The following LSAMP variants were observed in gnomAD, a reference collection of about 807,000 sequenced individuals.
LSAMP encodes the protein limbic system-associated membrane protein.
LSAMP carries 7 observed loss-of-function variants against 38.6 expected under a neutral mutation model. The observed-to-expected ratio is 0.18, with a 90% CI of 0.10 to 0.34. The LOEUF is 0.34. Among genes scored for constraint, LSAMP ranks in the 10% least tolerant of loss-of-function variants. The pLI is 1.00. For synonymous variants in LSAMP, 154 were observed against 166.8 expected (o/e 0.92, Z 0.59); for missense variants, 313 against 420.0 (o/e 0.75, Z 2.23).
intron 6 of LSAMP, among the ~76,000 whole-genome samples, chr3:115,818,705 A>C (rs1280448352): frequency 6.9e-6 from 1 of 145,966 alleles, no homozygotes; most frequent in East Asian, 2.0e-4. Context: ...CTTAACAAGT[A>C]AGTCATGGCA....
At chr3:116,004,137 A>G (rs1001502161) in intron 3 of LSAMP, among the ~76,000 whole-genome samples, 2 of 152,154 alleles carry the variant, frequency 1.3e-5, no homozygotes, top group African/African-American at 4.8e-5. Flanking sequence ...TATAATATTT[A>G]TTACTAAAAA....
At chr3:116,012,501 G>C (rs1343244830) in intron 3 of LSAMP, among the ~76,000 whole-genome samples, 1 of 152,108 alleles carries the variant, frequency 6.6e-6, no homozygotes, top group Non-Finnish European at 1.5e-5. Context: ...ATCTTCTCAG[G>C]TGAGAATGGA....
Position 116,428,601 on chromosome 3 carries a change from T to C in LSAMP, c.155+16276A>G, listed in dbSNP as rs183966984. The stretch of plus-strand genomic sequence containing the variant: ...ATTTATGTTTGAGATATGTAATGTC[T>C]ACATATAATGCTTAGTGTGTATATG... On this transcript the variant is annotated intron_variant, in intron 1 of 6. Transcript: ENST00000490035. Among the ~76,000 whole-genome samples, 14 of 152,326 alleles carry C rather than the reference T, an allele frequency of 9.2e-5. No homozygotes were observed. In the East Asian group the frequency reaches 2.7e-3, roughly 29 times the overall value.
intron 3 of LSAMP, among the ~76,000 whole-genome samples, chr3:115,854,285 T>TTTTTTTA (rs1935434414): frequency 1.1e-5 from 1 of 92,114 alleles, no homozygotes; most frequent in South Asian, 3.3e-4. Flanking sequence ...TATTATTATT[T>TTTTTTTA]TTTTTTTTTT....
At chr3:116,389,938 C>A (rs2107810951) in intron 1 of LSAMP, among the ~76,000 whole-genome samples, 1 of 152,222 alleles carries the variant, frequency 6.6e-6, no homozygotes, top group South Asian at 2.1e-4. Flanking sequence ...ATAATTAACT[C>A]TTACTGCTGC....
At chr3:115,983,014 G>C (rs1236919762) in intron 3 of LSAMP, among the ~76,000 whole-genome samples, 1 of 147,478 alleles carries the variant, frequency 6.8e-6, no homozygotes, top group Non-Finnish European at 1.5e-5. Flanking sequence ...CAATTTAAAA[G>C]TAATGCTATG....
intron 2 of LSAMP, among the ~76,000 whole-genome samples, chr3:116,050,036 T>C (rs913805204): frequency 2.6e-5 from 4 of 152,168 alleles, no homozygotes; most frequent in African/African-American, 9.7e-5. Context: ...GGGAGGCTGA[T>C]CACCTGAATT....
chr3:115,934,517 AG>A (rs1937636394), intron 3 of LSAMP, among the ~76,000 whole-genome samples: 1 of 152,190 alleles, frequency 6.6e-6, no homozygotes, highest in Non-Finnish European at 1.5e-5. Context: ...ATGGGGCTGA[AG>A]AAAAATCTTA....
intron 3 of LSAMP, 120 bp downstream of exon 3, chr3:116,019,394 AT>A: frequency 8.0e-7 from 1 of 1,252,458 alleles, no homozygotes; most frequent in South Asian, 1.4e-5. Context: ...TGACCTTCTG[AT>A]TCAACAGAAT....
chr3:116,165,271 C>T (rs1710022458), intron 1 of LSAMP, among the ~76,000 whole-genome samples: 1 of 152,006 alleles, frequency 6.6e-6, no homozygotes, highest in Non-Finnish European at 1.5e-5. Context: ...CTATACGCTG[C>T]AGTTGTGCCC....
At chr3:116,030,987 C>A (rs985965920) in intron 2 of LSAMP, among the ~76,000 whole-genome samples, 8 of 151,778 alleles carry the variant, frequency 5.3e-5, no homozygotes, top group African/African-American at 1.9e-4. Flanking sequence ...TTTCTGTGTT[C>A]TATTAATTTT....
At chr3:116,401,344 C>T (rs1052738770) in intron 1 of LSAMP, among the ~76,000 whole-genome samples, 1 of 152,220 alleles carries the variant, frequency 6.6e-6, no homozygotes. Flanking sequence ...TGCAGTGGCA[C>T]AATCATTGCT....
intron 2 of LSAMP, among the ~76,000 whole-genome samples, chr3:116,033,028 G>T (rs1940964030): frequency 1.3e-5 from 2 of 152,094 alleles, no homozygotes; most frequent in African/African-American, 4.8e-5. Flanking sequence ...GCATTATTCA[G>T]TTCTAAGATT....
intron 3 of LSAMP, among the ~76,000 whole-genome samples, chr3:116,016,162 C>T (rs369448857): frequency 2.2e-4 from 34 of 152,070 alleles, no homozygotes; most frequent in Admixed American, 1.9e-3. Flanking sequence ...GAATCACCTA[C>T]GGTTTCCATA....
chr3:116,401,326 G>C (rs2048840041), intron 1 of LSAMP, among the ~76,000 whole-genome samples: 1 of 152,058 alleles, frequency 6.6e-6, no homozygotes, highest in African/African-American at 2.4e-5. Flanking sequence ...CTGTTGCCAA[G>C]GCTGGAGTGC....
intron 1 of LSAMP, among the ~76,000 whole-genome samples, chr3:116,145,677 C>A (rs1231667052): frequency 6.6e-6 from 1 of 151,778 alleles, no homozygotes; most frequent in East Asian, 1.9e-4. Context: ...CAAATAGACA[C>A]CATAAATTAA....
chr3:116,141,197 C>T (rs1328265580), intron 1 of LSAMP, among the ~76,000 whole-genome samples: 8 of 151,806 alleles, frequency 5.3e-5, no homozygotes, highest in South Asian at 2.1e-4. Context: ...GATGTATTTA[C>T]GGTAAGTGAC....
chr3:116,049,128 C>A (rs1224685467), intron 2 of LSAMP, among the ~76,000 whole-genome samples: 1 of 152,154 alleles, frequency 6.6e-6, no homozygotes, highest in Non-Finnish European at 1.5e-5. Context: ...TCAACCAGAG[C>A]TTGAAGCCAG....
chr3:116,313,596 T>G (rs1351246135), intron 1 of LSAMP, among the ~76,000 whole-genome samples: 1 of 152,142 alleles, frequency 6.6e-6, no homozygotes, highest in African/African-American at 2.4e-5. Context: ...AAGGTCAAGG[T>G]TGGTTCATAG....
Sources: allele counts gnomAD v4.1 joint callset (sites outside exome capture counted in the v4.1 genomes callset), GRCh38; gene constraint gnomAD v4.1.1; transcripts MANE v1.5; gene names NCBI Gene and HGNC (gene_info 2026-07-23, HGNC 2026-07-21).